Variants in CCNL1 observed in about 807,000 individuals in gnomAD.
CCNL1 encodes cyclin L1.
A neutral mutation model predicts 60.6 loss-of-function variants in CCNL1; 13 were observed. The ratio of observed to expected loss-of-function variants is 0.21; its 90% CI spans 0.14 to 0.34. The LOEUF is 0.34. Ranked by LOEUF, CCNL1 falls within the 10% of genes least tolerant of loss-of-function variation. The probability of loss-of-function intolerance (pLI) is 1.00; values close to 1 mark genes in which losing one functional copy is unlikely to be tolerated. For synonymous variants in CCNL1, 270 were observed against 244.3 expected (o/e 1.10, Z -0.98); for missense variants, 481 against 664.3 (o/e 0.72, Z 3.03).
At position 157,150,247 on chromosome 3, in the gene CCNL1, T is replaced by C. The variant is rs1275941877; in HGVS notation, c.774+35A>G. ...GGAACCACCGAAAATTTGTGTGATT[T>C]ATCCTACAGAACAAAATGGGAAATA... On this transcript the variant is annotated intron_variant, in intron 6 of 10. Coordinates refer to ENST00000295926, the MANE Select transcript of CCNL1 (RefSeq NM_020307.4). 2.5e-6 allele frequency: 4 copies of C among 1,611,262 alleles called. No homozygotes were observed. The African/African-American group carries it at 5.3e-5, about 22-fold the overall frequency.
At position 157,148,225 on chromosome 3, in the gene CCNL1, T is replaced by C. The variant is rs769435206; in HGVS notation, c.*16A>G. 8.1e-6 allele frequency: 13 copies of C among 1,606,792 alleles called. No homozygotes were observed. Among genetic ancestry groups the C allele is most frequent in the Non-Finnish European group, 1.1e-5 (13 of 1,175,728 alleles). On this transcript the variant is annotated 3_prime_UTR_variant, in exon 11 of 11. Transcript: ENST00000295926. ...GGCAAAACCAAGAACTGATGCAGGC[T>C]CAAAGGAAGAGAAAGTCAGCGCCTG...
chr3:157,159,510 G>C, intron 1 of CCNL1, 31 bp from the exon 2 acceptor site: 1 of 1,589,268 alleles, frequency 6.3e-7, no homozygotes, highest in Non-Finnish European at 8.6e-7. Context: ...CGGAAGCGCA[G>C]GGGTCAGGCG....
chr3:157,148,752 TA>T (rs1306222341), intron 10 of CCNL1, among the ~76,000 whole-genome samples, 163 bp from the exon 11 acceptor site: 2 of 152,142 alleles, frequency 1.3e-5, no homozygotes, highest in Non-Finnish European at 2.9e-5. Flanking sequence ...CCCAAGCCTA[TA>T]TATAACATAT....
downstream of CCNL1, among the ~76,000 whole-genome samples, chr3:157,146,768 T>C (rs1737798682): frequency 2.0e-5 from 3 of 152,226 alleles, no homozygotes; most frequent in South Asian, 6.2e-4. Flanking sequence ...TATCTATTTA[T>C]AATTCAGCAA....
intron 2 of CCNL1, 111 bp from the exon 3 acceptor site, chr3:157,159,086 T>TA: frequency 2.8e-6 from 2 of 725,470 alleles, no homozygotes; most frequent in Non-Finnish European, 4.7e-6. Context: ...AAGACATCTC[T>TA]ATGCCGTAAG....
In CCNL1 at chr3:157,159,486, A is replaced by G; in HGVS notation, c.304-7T>C. On this transcript the variant is annotated splice_region_variant and splice_polypyrimidine_tract_variant and intron_variant, in intron 1 of 10. Coordinates refer to ENST00000295926, the MANE Select transcript of CCNL1 (RefSeq NM_020307.4). ...GCCCCGTTGCCATCGCCACCTGCAG[A>G]CAAGAGAGGAGAACGGAAGCGCAGG... The G allele has an allele frequency of 6.2e-7, 1 of 1,603,496 alleles. No individual in the cohort carries two copies. Among genetic ancestry groups the G allele is most frequent in the Non-Finnish European group, 8.5e-7 (1 of 1,174,848 alleles).
intron 3 of CCNL1, among the ~76,000 whole-genome samples, chr3:157,156,030 C>G (rs1345177440): frequency 6.6e-6 from 1 of 152,156 alleles, no homozygotes; most frequent in Non-Finnish European, 1.5e-5. Flanking sequence ...GTTAGAGGAG[C>G]TATTTTCCTT....
At chr3:157,159,122 T>C (rs997328775) in intron 2 of CCNL1, 147 bp from the exon 3 acceptor site, 2 of 636,530 alleles carry the variant, frequency 3.1e-6, no homozygotes, top group South Asian at 2.0e-5. Context: ...AGTACTATAC[T>C]TTTTGTTGTT....
In CCNL1 at chr3:157,150,223, G is replaced by A. The variant is rs1738076440; in HGVS notation, c.775-54C>T. On this transcript the variant is annotated intron_variant, in intron 6 of 10. Coordinates refer to ENST00000295926, the MANE Select transcript of CCNL1 (RefSeq NM_020307.4). ...TTAAATTTTTGCTAAATCTGTATTGGAACCACCGAAAATTTGTGTGATTTA... is the reference window on the plus strand; with the variant it reads ...TTAAATTTTTGCTAAATCTGTATTGAAACCACCGAAAATTTGTGTGATTTA... 8 of 1,609,144 alleles carry A rather than the reference G, an allele frequency of 5.0e-6. No individual in the cohort carries two copies. The South Asian group carries it at 8.8e-5, about 18-fold the overall frequency.
intron 5 of CCNL1, chr3:157,150,587 T>C: frequency 7.8e-7 from 1 of 1,286,874 alleles, no homozygotes; most frequent in Non-Finnish European, 9.9e-7. Context: ...GATTTTCCTA[T>C]ATATGAGCGA....
At chr3:157,158,336 T>A (rs1418202771) in intron 3 of CCNL1, among the ~76,000 whole-genome samples, 2 of 152,242 alleles carry the variant, frequency 1.3e-5, no homozygotes, top group Non-Finnish European at 2.9e-5. Flanking sequence ...AACTTTATCA[T>A]CCTGCAGTCC....
chr3:157,149,008 A>T (rs1737960245), intron 10 of CCNL1: 1 of 357,062 alleles, frequency 2.8e-6, no homozygotes, highest in African/African-American at 2.1e-5. Context: ...TTAAAAAAAA[A>T]AAAAGAAGTT....
intron 3 of CCNL1, chr3:157,154,436 G>C (rs916298188): frequency 6.6e-6 from 1 of 152,114 alleles, no homozygotes; most frequent in Non-Finnish European, 1.5e-5. Flanking sequence ...AAAGACTTAA[G>C]AGTCTTTGCT....
chr3:157,146,466 G>A (rs1033996906), downstream of CCNL1: 2 of 439,058 alleles, frequency 4.6e-6, no homozygotes, highest in African/African-American at 4.1e-5. Flanking sequence ...CTCACCCACA[G>A]CACTCCTATT....
At chr3:157,152,638 CAAT>C in intron 4 of CCNL1, 1 of 1,066,998 alleles carries the variant, frequency 9.4e-7, no homozygotes, top group Non-Finnish European at 1.1e-6. Flanking sequence ...AACAAATTTC[CAAT>C]AATGGTAACA....
At chr3:157,150,002 A>T (rs751768910) in intron 7 of CCNL1, 25 bp from the exon 8 acceptor site, 1 of 1,611,112 alleles carries the variant, frequency 6.2e-7, no homozygotes, top group Admixed American at 1.7e-5. Context: ...AAAAGTTAGT[A>T]TTTCTTCCTT....
chr3:157,148,161 T>C lies in CCNL1; in HGVS notation c.*80A>G. 2 of 1,515,982 alleles carry C rather than the reference T, an allele frequency of 1.3e-6. No individual in the cohort carries two copies. Among genetic ancestry groups the C allele is most frequent in the South Asian group, 2.7e-5 (2 of 73,878 alleles). 93.9% of individuals were successfully genotyped at this position (1,515,982 alleles called of 1,614,324 possible). On this transcript the variant is annotated 3_prime_UTR_variant, in exon 11 of 11. Coordinates refer to ENST00000295926, the MANE Select transcript of CCNL1 (RefSeq NM_020307.4). ...AATCAAATCCTAATCAGTTTGCGTT[T>C]AATGTTTTTGATTGAGTCCATACAT...
chr3:157,150,202 A>G (rs767815691), intron 6 of CCNL1, 33 bp from the exon 7 acceptor site: 21 of 1,608,292 alleles, frequency 1.3e-5, no homozygotes, highest in Non-Finnish European at 1.8e-5. Context: ...TTTAAATTAA[A>G]TTTTTGCTAA....
At chr3:157,152,291 G>A (rs1418562890) in intron 4 of CCNL1, 50 bp from the exon 5 acceptor site, 12 of 1,578,152 alleles carry the variant, frequency 7.6e-6, no homozygotes, top group South Asian at 2.4e-5. Context: ...TAGTTCTTTC[G>A]GAGTAGAGTT....
Sources: allele counts gnomAD v4.1 joint callset (sites outside exome capture counted in the v4.1 genomes callset), GRCh38; gene constraint gnomAD v4.1.1; transcripts MANE v1.5; gene names NCBI Gene and HGNC (gene_info 2026-07-23, HGNC 2026-07-21).